The following UBR3 variants were observed in gnomAD, a reference collection of about 807,000 sequenced individuals.
UBR3 encodes the protein E3 ubiquitin-protein ligase UBR3.
In UBR3, 85 loss-of-function variants were observed where a neutral mutation model predicts 243.2. The observed-to-expected ratio is 0.35, with a 90% CI of 0.29 to 0.42. UBR3 has a LOEUF of 0.42. Ranked by LOEUF, UBR3 falls within the 10% of genes least tolerant of loss-of-function variation. The pLI, the probability that UBR3 is intolerant of heterozygous loss-of-function variation, is 1.00. For synonymous variants in UBR3, 748 were observed against 799.8 expected (o/e 0.94, Z 1.09); for missense variants, 1,686 against 2,300.8 (o/e 0.73, Z 5.47).
chr2:169,942,008 C>T (rs1280467687), intron 19 of UBR3, among the ~76,000 whole-genome samples: 2 of 152,212 alleles, frequency 1.3e-5, no homozygotes, highest in African/African-American at 4.8e-5. Flanking sequence ...ACTTTAAAAC[C>T]ACTGGCACAG....
intron 1 of UBR3, among the ~76,000 whole-genome samples, chr2:169,844,133 A>G (rs909775214): frequency 4.0e-5 from 6 of 149,662 alleles, no homozygotes; most frequent in Non-Finnish European, 5.9e-5. Flanking sequence ...CACCCTCCCT[A>G]GTAGCTGGGA....
chr2:169,924,290 A>G (rs997546131), intron 13 of UBR3, 117 bp downstream of exon 13: 3 of 782,334 alleles, frequency 3.8e-6, no homozygotes, highest in African/African-American at 3.6e-5. Flanking sequence ...CTTTTTTTAA[A>G]AAGTTGTTAT....
At chr2:170,024,092 G>A (rs2090462987) in intron 30 of UBR3, among the ~76,000 whole-genome samples, 2 of 152,068 alleles carry the variant, frequency 1.3e-5, no homozygotes, top group African/African-American at 2.4e-5. Flanking sequence ...TAGATTTCTT[G>A]CATGTTTAGA....
At chr2:169,873,339 TGTTAA>T (rs2083491321) in intron 2 of UBR3, among the ~76,000 whole-genome samples, 3 of 152,178 alleles carry the variant, frequency 2.0e-5, no homozygotes, top group African/African-American at 7.2e-5. Flanking sequence ...TACAATCCTT[TGTTAA>T]GTACTTCTAC....
chr2:169,875,768 TTTTTTTTC>T lies in UBR3; in HGVS notation c.686-10_686-3del, dbSNP rs1193200450. On this transcript the variant is annotated splice_polypyrimidine_tract_variant and intron_variant, in intron 2 of 38. Transcript: ENST00000272793. ...TTTAAACAAAATTACCCTTATTTGATTTTTTTTCTTTTTTTCTTTTAGCAGCTGATGGA... is the reference window on the plus strand; with the variant it reads ...TTTAAACAAAATTACCCTTATTTGATTTTTTTTCTTTTAGCAGCTGATGGA... The T allele has an allele frequency of 5.3e-5, 80 of 1,495,686 alleles. No individual in the cohort carries two copies. The highest frequency in any genetic ancestry group is 1.3e-4 in the African/African-American group (9 of 70,134). 92.7% of individuals were successfully genotyped at this position (1,495,686 alleles called of 1,614,324 possible).
At chr2:170,042,115 CATTTTCTT>C (rs1456389532) in intron 32 of UBR3, among the ~76,000 whole-genome samples, 4 of 152,154 alleles carry the variant, frequency 2.6e-5, no homozygotes, top group Non-Finnish European at 5.9e-5. Flanking sequence ...ATTAAGCAGT[CATTTTCTT>C]ATTTTCTCCT....
chr2:169,838,779 C>T (rs2082198168), intron 1 of UBR3, among the ~76,000 whole-genome samples: 1 of 152,176 alleles, frequency 6.6e-6, no homozygotes, highest in South Asian at 2.1e-4. Flanking sequence ...AGTTGAGTCT[C>T]ATCTAAACAT....
intron 20 of UBR3, among the ~76,000 whole-genome samples, chr2:169,945,635 G>A (rs926019846): frequency 2.0e-5 from 3 of 152,128 alleles, no homozygotes; most frequent in Admixed American, 6.5e-5. Flanking sequence ...TATCTGCCAG[G>A]CCATTTTGTT....
chr2:170,006,522 G>T (rs1329889382), intron 27 of UBR3, among the ~76,000 whole-genome samples: 1 of 152,136 alleles, frequency 6.6e-6, no homozygotes, highest in African/African-American at 2.4e-5. Flanking sequence ...AGACCCCTTA[G>T]AAGTCACTTT....
chr2:169,892,616 T>C (rs767978436), intron 6 of UBR3, among the ~76,000 whole-genome samples: 1 of 152,246 alleles, frequency 6.6e-6, no homozygotes, highest in Non-Finnish European at 1.5e-5. Context: ...AGTTTAAGTA[T>C]GTACATGGAA....
At chr2:169,948,848 A>C (rs1307119999) in intron 22 of UBR3, among the ~76,000 whole-genome samples, 1 of 151,990 alleles carries the variant, frequency 6.6e-6, no homozygotes, top group East Asian at 1.9e-4. Flanking sequence ...GCCCTGGTGC[A>C]GTTTGATTGC....
chr2:169,968,082 A>G (rs1464432105), intron 24 of UBR3, among the ~76,000 whole-genome samples: 6 of 152,074 alleles, frequency 3.9e-5, no homozygotes, highest in Admixed American at 1.3e-4. Flanking sequence ...ATTTACAAAA[A>G]TTTATACATA....
intron 19 of UBR3, among the ~76,000 whole-genome samples, chr2:169,935,635 A>G (rs1028419899): frequency 6.6e-6 from 1 of 152,234 alleles, no homozygotes; most frequent in Admixed American, 6.5e-5. Context: ...CTTGAAGGTT[A>G]ATGGCTGCTG....
chr2:169,950,090 A>C (rs372877453), intron 23 of UBR3, 25 bp downstream of exon 23: 1 of 1,522,212 alleles, frequency 6.6e-7, no homozygotes. Context: ...TAATGTTTTA[A>C]ACGTGTGTAT....
Position 170,061,205 on chromosome 2 carries a change from C to A in UBR3, c.4893+19C>A, listed in dbSNP as rs1165664588. On this transcript the variant is annotated intron_variant, in intron 34 of 38. Coordinates refer to ENST00000272793, the MANE Select transcript of UBR3 (RefSeq NM_172070.4). ...TGCAATGGTATGTTTCTGCAAAAAT[C>A]AGATGTAGCGGTTATTTAGTAAAAA... The A allele has an allele frequency of 6.3e-7, 1 of 1,580,622 alleles. No individual in the cohort carries two copies. Among genetic ancestry groups the A allele is most frequent in the Admixed American group, 1.9e-5 (1 of 51,702 alleles).
intron 1 of UBR3, among the ~76,000 whole-genome samples, chr2:169,835,993 GTCTCTCTCTCTCTC>G (rs577838877): frequency 0.065 from 1,981 of 30,414 alleles, 48 homozygotes; most frequent in African/African-American, 0.096. Context: ...TGTGTGCACT[GTCTCTCTCTCTCTC>G]TCTCTCTCTC....
At chr2:170,061,471 A>G (rs1292287085) in intron 35 of UBR3, 28 bp downstream of exon 35, 12 of 1,477,766 alleles carry the variant, frequency 8.1e-6, no homozygotes, top group Admixed American at 2.3e-5. Context: ...TGTAAGAGGG[A>G]GCTTTTTTTT....
At chr2:169,876,372 G>A (rs183143548) in intron 3 of UBR3, among the ~76,000 whole-genome samples, 169 of 152,292 alleles carry the variant, frequency 1.1e-3, no homozygotes, top group African/African-American at 3.8e-3. Flanking sequence ...GAGCCACTGC[G>A]CCTGGCAAGA....
intron 24 of UBR3, among the ~76,000 whole-genome samples, chr2:169,971,407 A>G (rs1200933098): frequency 2.0e-5 from 3 of 150,032 alleles, no homozygotes; most frequent in Non-Finnish European, 4.5e-5. Flanking sequence ...GCCCATGCCT[A>G]TGTCCTGAAT....
Sources: allele counts gnomAD v4.1 joint callset (sites outside exome capture counted in the v4.1 genomes callset), GRCh38; gene constraint gnomAD v4.1.1; transcripts MANE v1.5; gene names NCBI Gene and HGNC (gene_info 2026-07-23, HGNC 2026-07-21).